Variants in RNF217 observed in about 807,000 individuals in gnomAD.
RNF217 encodes E3 ubiquitin-protein ligase RNF217.
In RNF217, 31 loss-of-function variants were observed where a neutral mutation model predicts 57.8. The ratio of observed to expected loss-of-function variants is 0.54; its 90% CI spans 0.40 to 0.72. The LOEUF (loss-of-function observed/expected upper bound fraction) is 0.72. Ranked by LOEUF, RNF217 falls within the 30% of genes least tolerant of loss-of-function variation. RNF217 has a pLI of 0.00. For missense variants in RNF217, 696 were observed against 708.3 expected (o/e 0.98, Z 0.20); for synonymous variants, 313 against 294.0 (o/e 1.06, Z -0.66).
rs1421447648 is a variant in RNF217, at chr6:125,090,080, A to T, written c.*7143A>T. ...AACTCCTCAATAGCTTACTTTTATTATTTGATCATTTTCATCACAATTGCA... is the reference window on the plus strand; with the variant it reads ...AACTCCTCAATAGCTTACTTTTATTTTTTGATCATTTTCATCACAATTGCA... On this transcript the variant is annotated 3_prime_UTR_variant, in exon 6 of 6. Coordinates refer to ENST00000521654, the MANE Select transcript of RNF217 (RefSeq NM_001286398.3). 6.6e-6 allele frequency: 1 copy of T among 152,032 alleles called. No individual in the cohort carries two copies. The highest frequency in any genetic ancestry group is 1.5e-5 in the Non-Finnish European group (1 of 67,962). The allele number at this position is 152,032 out of a possible 1,614,324, so 9.4% of individuals were successfully genotyped here.
At chr6:124,986,252 A>G (rs187421672) in intron 1 of RNF217, among the ~76,000 whole-genome samples, 18 of 152,312 alleles carry the variant, frequency 1.2e-4, no homozygotes, top group African/African-American at 3.4e-4. Context: ...TGCTATTTCT[A>G]TAAATGCCTT....
chr6:125,035,426 C>T (rs977345625), intron 1 of RNF217, among the ~76,000 whole-genome samples: 9 of 152,120 alleles, frequency 5.9e-5, no homozygotes, highest in African/African-American at 1.9e-4. Context: ...GAATTTTCAA[C>T]CCAGAATTTC....
At chr6:124,973,069 C>T (rs918595311) in intron 1 of RNF217, among the ~76,000 whole-genome samples, 1 of 152,036 alleles carries the variant, frequency 6.6e-6, no homozygotes, top group Non-Finnish European at 1.5e-5. Context: ...GAGCTAATAT[C>T]GTCAATATGT....
At position 124,966,713 on chromosome 6, in the gene RNF217, A is replaced by T. The variant is rs1009831488; in HGVS notation, c.882+3287A>T. Among the ~76,000 whole-genome samples, 6 of 152,212 alleles carry T rather than the reference A, an allele frequency of 3.9e-5. 1 individual carries two copies. The highest frequency in any genetic ancestry group is 3.9e-4 in the Admixed American group (6 of 15,286). On this transcript the variant is annotated intron_variant, in intron 1 of 5. Transcript: ENST00000521654. Reference sequence around the variant, plus strand: ...GTTAACTGAATATTTTTGTAAAAGGAGATGCACAGTTCTTTGAAAGAAGAT... The same window carrying T: ...GTTAACTGAATATTTTTGTAAAAGGTGATGCACAGTTCTTTGAAAGAAGAT...
intron 1 of RNF217, among the ~76,000 whole-genome samples, chr6:125,010,824 A>T (rs1236351588): frequency 6.6e-6 from 1 of 152,062 alleles, no homozygotes; most frequent in Non-Finnish European, 1.5e-5. Flanking sequence ...TAGCAGAGAG[A>T]GCTGAGGAAT....
chr6:124,979,593 G>C, intron 1 of RNF217, among the ~76,000 whole-genome samples: 1 of 152,168 alleles, frequency 6.6e-6, no homozygotes, highest in Admixed American at 6.6e-5. Context: ...AACTGAAGGA[G>C]GCAATGAGGT....
intron 3 of RNF217, among the ~76,000 whole-genome samples, chr6:125,075,923 A>T (rs768062760): frequency 3.9e-5 from 6 of 152,090 alleles, no homozygotes; most frequent in Non-Finnish European, 8.8e-5. Flanking sequence ...TGGTGTATGT[A>T]TATATACCAT....
At chr6:125,038,052 A>C (rs1301748005) in intron 1 of RNF217, among the ~76,000 whole-genome samples, 1 of 152,184 alleles carries the variant, frequency 6.6e-6, no homozygotes, top group Non-Finnish European at 1.5e-5. Flanking sequence ...TCATTAAATT[A>C]CTTTTGAGTT....
intron 3 of RNF217, among the ~76,000 whole-genome samples, chr6:125,072,750 G>A (rs182266037): frequency 2.0e-5 from 3 of 152,284 alleles, no homozygotes; most frequent in Admixed American, 2.0e-4. Flanking sequence ...CCTTGTGGAG[G>A]GAGAGCTGAC....
At chr6:124,998,838 A>G (rs1226281631) in intron 1 of RNF217, among the ~76,000 whole-genome samples, 1 of 152,154 alleles carries the variant, frequency 6.6e-6, no homozygotes, top group African/African-American at 2.4e-5. Flanking sequence ...TCAACATAAG[A>G]TTATAAGCAC....
In RNF217 at chr6:125,089,139, T is replaced by C. The variant is rs1788861411; in HGVS notation, c.*6202T>C. 1 of 152,268 alleles carries C rather than the reference T, an allele frequency of 6.6e-6. No homozygotes were observed. The highest frequency in any genetic ancestry group is 2.4e-5 in the African/African-American group (1 of 41,458). 9.4% of individuals were successfully genotyped at this position (152,268 alleles called of 1,614,324 possible). A position where few individuals can be genotyped will look rare whatever the true frequency, so the allele number is the denominator to read the frequency against. Reference sequence around the variant, plus strand: ...TGCCTGGAACACTTTTCCCTCTTGATAGGAGTTGGAGAACACTGCCTAGCC... The same window carrying C: ...TGCCTGGAACACTTTTCCCTCTTGACAGGAGTTGGAGAACACTGCCTAGCC... On this transcript the variant is annotated 3_prime_UTR_variant, in exon 6 of 6. Transcript: ENST00000521654.
intron 1 of RNF217, chr6:125,009,470 G>GA: frequency 2.2e-6 from 1 of 451,256 alleles, no homozygotes; most frequent in Non-Finnish European, 3.9e-6. Flanking sequence ...ATGTAAGAAG[G>GA]CAGAAAAAAA....
intron 1 of RNF217, among the ~76,000 whole-genome samples, chr6:125,044,167 G>A (rs1392538448): frequency 3.3e-5 from 5 of 151,770 alleles, no homozygotes; most frequent in South Asian, 2.1e-4. Context: ...CTCCAAGTGC[G>A]CATGTTTTGC....
intron 1 of RNF217, among the ~76,000 whole-genome samples, chr6:125,023,515 G>T (rs1181724585): frequency 2.0e-5 from 3 of 152,196 alleles, no homozygotes; most frequent in Non-Finnish European, 4.4e-5. Flanking sequence ...AGACAGTATG[G>T]AGGATCCTCA....
Position 125,051,441 on chromosome 6 carries a change from A to G in RNF217, c.1116+5997A>G, listed in dbSNP as rs117471250. On this transcript the variant is annotated intron_variant, in intron 2 of 5. Transcript: ENST00000521654. ...AGTGAAGACCTTACATTTCTTATCT[A>G]CCACCCTCTGTGCTACTACCTTTCC... 4.3e-4 allele frequency among the ~76,000 whole-genome samples: 66 copies of G among 151,934 alleles called. 1 individual carries two copies. In the East Asian group the frequency reaches 0.01, roughly 23 times the overall value.
Position 125,090,100 on chromosome 6 carries a change from A to C in RNF217, c.*7163A>C, listed in dbSNP as rs554674888. The C allele has an allele frequency of 6.6e-6, 1 of 152,170 alleles. No homozygotes were observed. The highest frequency in any genetic ancestry group is 1.9e-4 in the East Asian group (1 of 5,182). The allele number at this position is 152,170 out of a possible 1,614,324, so 9.4% of individuals were successfully genotyped here. On this transcript the variant is annotated 3_prime_UTR_variant, in exon 6 of 6. Coordinates refer to ENST00000521654, the MANE Select transcript of RNF217 (RefSeq NM_001286398.3). ...TTATTATTTGATCATTTTCATCACA[A>C]TTGCAATCCTCTAGAGGGTATTTTA...
intron 1 of RNF217, among the ~76,000 whole-genome samples, chr6:124,969,382 T>C (rs538689467): frequency 6.6e-6 from 1 of 152,336 alleles, no homozygotes; most frequent in East Asian, 1.9e-4. Flanking sequence ...AAATTCAGTT[T>C]GTCAGAAGGG....
intron 1 of RNF217, among the ~76,000 whole-genome samples, chr6:125,010,975 T>C (rs908083828): frequency 6.6e-6 from 1 of 152,148 alleles, no homozygotes; most frequent in Non-Finnish European, 1.5e-5. Context: ...CCTGAGAAGG[T>C]TGACACACTA....
Position 125,090,558 on chromosome 6 carries a change from T to C in RNF217, c.*7621T>C, listed in dbSNP as rs538996527. ...AGAAATTACAGTTCTAAGGAATTAT[T>C]GTCATCCTCTAAGTATCAGAATGTA... is the stretch of plus-strand genomic sequence containing the variant. On this transcript the variant is annotated 3_prime_UTR_variant, in exon 6 of 6. Transcript: ENST00000521654. 1 of 151,854 alleles carries C rather than the reference T, an allele frequency of 6.6e-6. No homozygotes were observed. The highest frequency in any genetic ancestry group is 2.1e-4 in the South Asian group (1 of 4,788). The allele number at this position is 151,854 out of a possible 1,614,324, so 9.4% of individuals were successfully genotyped here.
Sources: allele counts gnomAD v4.1 joint callset (sites outside exome capture counted in the v4.1 genomes callset), GRCh38; gene constraint gnomAD v4.1.1; transcripts MANE v1.5; gene names NCBI Gene and HGNC (gene_info 2026-07-23, HGNC 2026-07-21).